Variants in NPR3 observed in about 807,000 individuals in gnomAD.
NPR3 encodes atrial natriuretic peptide receptor 3.
A neutral mutation model predicts 54.5 loss-of-function variants in NPR3; 34 were observed. That is an observed-to-expected ratio of 0.62 (90% CI 0.47 to 0.83). The LOEUF (loss-of-function observed/expected upper bound fraction) is 0.83. Among genes scored for constraint, NPR3 ranks in the 40% least tolerant of loss-of-function variants. The pLI, the probability that NPR3 is intolerant of heterozygous loss-of-function variation, is 0.00. For synonymous variants in NPR3, 289 were observed against 297.1 expected (o/e 0.97, Z 0.28); for missense variants, 674 against 720.8 (o/e 0.94, Z 0.74).
At chr5:32,693,546 GGT>G (rs1740452635) in intron 1 of NPR3, among the ~76,000 whole-genome samples, 1 of 152,138 alleles carries the variant, frequency 6.6e-6, no homozygotes, top group African/African-American at 2.4e-5. Context: ...ATTTTTATAA[GGT>G]GTTTTTGAAA....
In NPR3 at chr5:32,784,345, C is replaced by T. The variant is rs1021556768; in HGVS notation, c.1427-451C>T. 2.6e-5 allele frequency among the ~76,000 whole-genome samples: 4 copies of T among 152,278 alleles called. No homozygotes were observed. In the South Asian group the frequency reaches 8.3e-4, roughly 32 times the overall value. On this transcript the variant is annotated intron_variant, in intron 6 of 7. Coordinates refer to ENST00000265074, the MANE Select transcript of NPR3 (RefSeq NM_001204375.2). ...CTGGGATTACAGGTGCCTGCCACCA[C>T]ACCCAGCTGATTTTTGTATTTTTAG...
chr5:32,710,545 T>C (rs1738153988), upstream of NPR3: 1 of 1,236,454 alleles, frequency 8.1e-7, no homozygotes, highest in Non-Finnish European at 1.1e-6. Flanking sequence ...CACTGTGACC[T>C]CGGCACCGCT....
chr5:32,711,734 G>T lies in NPR3; in HGVS notation c.-43G>T. ...GAGGAAGGGTGGGTGGGGGGCAGAG[G>T]GCGAGTCGGCGGCGGCGAGGGCAAG... On this transcript the variant is annotated 5_prime_UTR_variant, in exon 1 of 8. Coordinates refer to ENST00000265074, the MANE Select transcript of NPR3 (RefSeq NM_001204375.2). 1 of 1,412,676 alleles carries T rather than the reference G, an allele frequency of 7.1e-7. No homozygotes were observed. The highest frequency in any genetic ancestry group is 9.2e-7 in the Non-Finnish European group (1 of 1,084,554). The allele number at this position is 1,412,676 out of a possible 1,614,324, so 87.5% of individuals were successfully genotyped here.
chr5:32,768,820 C>T (rs1206197787), intron 3 of NPR3, among the ~76,000 whole-genome samples: 1 of 152,144 alleles, frequency 6.6e-6, no homozygotes, highest in African/African-American at 2.4e-5. Context: ...AAACTTAGGT[C>T]AGATCCCACC....
intron 1 of NPR3, among the ~76,000 whole-genome samples, chr5:32,724,184 C>G (rs1739014751): frequency 6.6e-6 from 1 of 152,042 alleles, no homozygotes; most frequent in Non-Finnish European, 1.5e-5. Flanking sequence ...CTTCATAATG[C>G]CCTTTATAGC....
upstream of NPR3, chr5:32,710,859 G>GTTTGTTTT: frequency 1.0e-6 from 1 of 976,160 alleles, no homozygotes; most frequent in African/African-American, 2.2e-5. Flanking sequence ...CCCAGTCCTG[G>GTTTGTTTT]TTTTTTTTTT....
At chr5:32,700,131 T>C (rs1740630560) in intron 1 of NPR3, among the ~76,000 whole-genome samples, 1 of 152,212 alleles carries the variant, frequency 6.6e-6, no homozygotes, top group South Asian at 2.1e-4. Context: ...ATCCTTTCTT[T>C]AACCTTGACC....
intron 1 of NPR3, among the ~76,000 whole-genome samples, chr5:32,719,622 C>A (rs951109398): frequency 1.3e-5 from 2 of 152,098 alleles, no homozygotes; most frequent in Non-Finnish European, 2.9e-5. Flanking sequence ...TCCAGAAACT[C>A]ACATCTTTTA....
intron 3 of NPR3, among the ~76,000 whole-genome samples, chr5:32,740,493 T>C (rs17541055): frequency 0.06 from 9,131 of 152,252 alleles, 312 homozygotes; most frequent in Non-Finnish European, 0.072. Flanking sequence ...TTCACATCAT[T>C]TAAAATACCT....
At chr5:32,760,231 A>G (rs926808883) in intron 3 of NPR3, among the ~76,000 whole-genome samples, 1 of 152,088 alleles carries the variant, frequency 6.6e-6, no homozygotes, top group African/African-American at 2.4e-5. Context: ...GTAAACATCC[A>G]GGAATGGAAT....
chr5:32,747,619 G>C (rs145884364), intron 3 of NPR3, among the ~76,000 whole-genome samples: 34 of 151,994 alleles, frequency 2.2e-4, no homozygotes, highest in African/African-American at 7.0e-4. Context: ...TTATCTTCCT[G>C]CTCTAATCTA....
At chr5:32,729,036 T>G (rs6896734) in intron 2 of NPR3, among the ~76,000 whole-genome samples, 12 of 10,246 alleles carry the variant, frequency 1.2e-3, no homozygotes, top group African/African-American at 5.9e-3. Context: ...TTTTGTTTTG[T>G]TTTTTTTTTT....
At chr5:32,775,294 ATTTT>A (rs3066363) in intron 4 of NPR3, among the ~76,000 whole-genome samples, 32 of 145,170 alleles carry the variant, frequency 2.2e-4, no homozygotes, top group Admixed American at 9.5e-4. Context: ...AGGCCTCTGC[ATTTT>A]TTTTTTTTTT....
At chr5:32,769,202 T>C (rs1277087864) in intron 3 of NPR3, among the ~76,000 whole-genome samples, 1 of 152,220 alleles carries the variant, frequency 6.6e-6, no homozygotes, top group African/African-American at 2.4e-5. Context: ...TGTACACTTA[T>C]TTTAATGATT....
intron 1 of NPR3, among the ~76,000 whole-genome samples, chr5:32,721,500 G>A (rs77406025): frequency 1.1e-3 from 174 of 152,188 alleles, no homozygotes; most frequent in Middle Eastern, 3.4e-3. Flanking sequence ...AAAATTAGCC[G>A]GGTGTGGTAA....
rs1329297365 is a variant in NPR3 at position 32,786,688 on chromosome 5, G to A, written c.*343G>A. 8 of 200,546 alleles carry A rather than the reference G, an allele frequency of 4.0e-5. No homozygotes were observed. The highest frequency in any genetic ancestry group is 5.9e-5 in the Non-Finnish European group (6 of 101,696). The allele number at this position is 200,546 out of a possible 1,614,324, so 12.4% of individuals were successfully genotyped here. A position where few individuals can be genotyped will look rare whatever the true frequency, so the allele number is the denominator to read the frequency against. ...CATTTCACACAAGGATATAAAATGC[G>A]GTTTTCTTAAATGAAATGTTTTGTA... On this transcript the variant is annotated 3_prime_UTR_variant, in exon 8 of 8. Coordinates refer to ENST00000265074, the MANE Select transcript of NPR3 (RefSeq NM_001204375.2).
chr5:32,742,656 A>G (rs1740094374), intron 3 of NPR3, among the ~76,000 whole-genome samples: 1 of 152,226 alleles, frequency 6.6e-6, no homozygotes, highest in Non-Finnish European at 1.5e-5. Flanking sequence ...TGTAAAGAGC[A>G]TATAACAGAA....
chr5:32,694,811 A>G (rs1325075148), intron 1 of NPR3, among the ~76,000 whole-genome samples: 1 of 152,126 alleles, frequency 6.6e-6, no homozygotes, highest in East Asian at 1.9e-4. Flanking sequence ...TTATCTAAGT[A>G]TATTTTTTAC....
chr5:32,779,755 G>A (rs1274311463), intron 4 of NPR3, among the ~76,000 whole-genome samples: 2 of 152,190 alleles, frequency 1.3e-5, no homozygotes, highest in Non-Finnish European at 2.9e-5. Flanking sequence ...TGTGGGTACA[G>A]TTGGGTCTTC....
Sources: gnomAD v4.1 joint callset for allele counts (sites outside exome capture counted in the v4.1 genomes callset) on GRCh38, gnomAD v4.1.1 for gene constraint, MANE v1.5 for transcripts, NCBI Gene and HGNC (gene_info 2026-07-23, HGNC 2026-07-21) for gene names.